The following ATP10B variants were observed in gnomAD, a reference collection of about 807,000 sequenced individuals.
ATP10B encodes the protein ATPase phospholipid transporting 10B (putative).
A neutral mutation model predicts 141.2 loss-of-function variants in ATP10B; 122 were observed. The observed-to-expected ratio is 0.86, with a 90% CI of 0.75 to 1.00. ATP10B has a LOEUF of 1.00. Among genes scored for constraint, ATP10B ranks in the 50% least tolerant of loss-of-function variants. The pLI is 0.00. For missense variants in ATP10B, 1,876 were observed against 1,825.3 expected, an observed-to-expected ratio of 1.03 and a Z score of -0.51; for synonymous variants, 685 against 692.0, an observed-to-expected ratio of 0.99 and a Z score of 0.16.
chr5:160,566,816 A>G (rs918937691), intron 25 of ATP10B, among the ~76,000 whole-genome samples: 12 of 152,150 alleles, frequency 7.9e-5, no homozygotes, highest in Admixed American at 7.9e-4. Flanking sequence ...AATCTATCTG[A>G]CCTGGAGGAC....
At chr5:160,652,913 G>GTATATATAATATATTATA (rs1198824825) in intron 7 of ATP10B, among the ~76,000 whole-genome samples, 1 of 56,944 alleles carries the variant, frequency 1.8e-5, no homozygotes, top group Non-Finnish European at 2.8e-5. Context: ...ATATATACAT[G>GTATATATAATATATTATA]TATATATAAT....
chr5:160,785,671 C>T lies in ATP10B; in HGVS notation c.-443G>A, dbSNP rs1369025261. ...TGTGTAAGAAATGGTAGTTTCTCAT[C>T]TTGGCAGTGGAGAGGAGTTCATTAT... On this transcript the variant is annotated 5_prime_UTR_variant, in exon 2 of 26. Coordinates refer to ENST00000327245, the MANE Select transcript of ATP10B (RefSeq NM_025153.3). 3.9e-6 allele frequency: 5 copies of T among 1,288,006 alleles called. No individual in the cohort carries two copies. The highest frequency in any genetic ancestry group is 5.1e-6 in the Non-Finnish European group (5 of 987,884). 79.8% of individuals were successfully genotyped at this position (1,288,006 alleles called of 1,614,324 possible). A position where few individuals can be genotyped will look rare whatever the true frequency, so the allele number is the denominator to read the frequency against.
chr5:160,695,026 C>G (rs982928444), intron 3 of ATP10B, among the ~76,000 whole-genome samples: 11 of 152,112 alleles, frequency 7.2e-5, no homozygotes, highest in Admixed American at 6.5e-4. Flanking sequence ...CTGAAGAAAG[C>G]AGAAACACAA....
At chr5:160,783,423 TCCATGG>T (rs1034750142) in intron 2 of ATP10B, among the ~76,000 whole-genome samples, 4 of 126,458 alleles carry the variant, frequency 3.2e-5, no homozygotes, top group African/African-American at 1.2e-4. Flanking sequence ...CATGGATATA[TCCATGG>T]ATAGATATAT....
intron 1 of ATP10B, among the ~76,000 whole-genome samples, chr5:160,793,769 C>T (rs1170325453): frequency 5.9e-5 from 9 of 152,200 alleles, no homozygotes; most frequent in Admixed American, 3.9e-4. Context: ...TTGTAAGCTC[C>T]ATTCATGGTA....
At chr5:160,683,502 C>A (rs1763558076) in intron 6 of ATP10B, among the ~76,000 whole-genome samples, 1 of 152,200 alleles carries the variant, frequency 6.6e-6, no homozygotes, top group Non-Finnish European at 1.5e-5. Flanking sequence ...TCTAAGCTGG[C>A]CACCTTTCAC....
the ATP10B span, among the ~76,000 whole-genome samples, chr5:160,866,617 T>C: frequency 6.6e-6 from 1 of 152,050 alleles, no homozygotes. Flanking sequence ...GAGGTTGCAG[T>C]AAGCTGAGAT....
In ATP10B at chr5:160,759,642, T is replaced by C. The variant is rs78005401; in HGVS notation, c.-331+25917A>G. 8.5e-3 allele frequency among the ~76,000 whole-genome samples: 1,296 copies of C among 152,302 alleles called. 18 individuals carry two copies. Among genetic ancestry groups the C allele is most frequent in the African/African-American group, 0.029 (1,223 of 41,550 alleles). The stretch of plus-strand genomic sequence containing the variant: ...TAGACACCTATGGCAATAGGCTGTA[T>C]AGGAACTGTCAATATGTCTATACCC... On this transcript the variant is annotated intron_variant, in intron 2 of 25. Coordinates refer to ENST00000327245, the MANE Select transcript of ATP10B (RefSeq NM_025153.3).
At chr5:160,803,807 T>C (rs1772571971) in intron 1 of ATP10B, among the ~76,000 whole-genome samples, 1 of 152,248 alleles carries the variant, frequency 6.6e-6, no homozygotes, top group African/African-American at 2.4e-5. Context: ...CTCTGGATAA[T>C]GTGAGGTGCT....
chr5:160,640,063 T>C (rs1759721092), intron 10 of ATP10B, among the ~76,000 whole-genome samples: 1 of 152,246 alleles, frequency 6.6e-6, no homozygotes, highest in Admixed American at 6.5e-5. Context: ...TTGAGACTCC[T>C]GCCTTAACCT....
At chr5:160,754,274 C>T (rs1436789421) in intron 2 of ATP10B, among the ~76,000 whole-genome samples, 1 of 152,186 alleles carries the variant, frequency 6.6e-6, no homozygotes, top group African/African-American at 2.4e-5. Flanking sequence ...ATTCTTAACT[C>T]TCAAACCCAT....
chr5:160,802,500 T>C (rs555289279), intron 1 of ATP10B, among the ~76,000 whole-genome samples: 14 of 152,336 alleles, frequency 9.2e-5, no homozygotes, highest in African/African-American at 3.4e-4. Flanking sequence ...ATGCCTGCGA[T>C]ATTGTTAAAC....
chr5:160,565,582 A>C lies in ATP10B; in HGVS notation c.4257T>G (p.Ala1419=). The change falls in exon 26 of 26, where the codon GCT becomes GCG. Residue 1419 remains alanine (A), a synonymous_variant. Transcript: ENST00000327245. ...RDDSCSGDSS[A]QLSSGEHLLG... ...GCAGGTGCTCCCCGGATGAGAGTTG[A>C]GCTGAGGAGTCCCCTGAGCATGAGT... The C allele has an allele frequency of 1.9e-6, 3 of 1,614,064 alleles. No homozygotes were observed. Among genetic ancestry groups the C allele is most frequent in the Non-Finnish European group, 2.5e-6 (3 of 1,179,966 alleles).
intron 2 of ATP10B, among the ~76,000 whole-genome samples, chr5:160,733,001 G>A (rs1490834318): frequency 6.6e-6 from 1 of 152,028 alleles, no homozygotes; most frequent in Admixed American, 6.6e-5. Context: ...GAGCATCATT[G>A]GTATTTTGAT....
intron 7 of ATP10B, among the ~76,000 whole-genome samples, chr5:160,661,756 C>T (rs1207249423): frequency 6.6e-6 from 1 of 152,192 alleles, no homozygotes; most frequent in Non-Finnish European, 1.5e-5. Flanking sequence ...GATGCCCTCT[C>T]TCACCACTCT....
At chr5:160,873,671 G>A in the ATP10B span, among the ~76,000 whole-genome samples, 1 of 152,186 alleles carries the variant, frequency 6.6e-6, no homozygotes, top group African/African-American at 2.4e-5. Flanking sequence ...AGGTCAGTGG[G>A]TGCACGCACT....
intron 2 of ATP10B, among the ~76,000 whole-genome samples, chr5:160,755,838 A>AATATATATATATATAT (rs1181077522): frequency 1.5e-4 from 7 of 45,416 alleles, no homozygotes; most frequent in Non-Finnish European, 2.4e-4. Context: ...AAAAAAAAAA[A>AATATATATATATATAT]ATATATATAT....
chr5:160,585,196 T>A (rs920656676), intron 24 of ATP10B, among the ~76,000 whole-genome samples: 3 of 152,210 alleles, frequency 2.0e-5, no homozygotes, highest in Non-Finnish European at 4.4e-5. Flanking sequence ...CTGGATAAGC[T>A]CCCAAAACTA....
intron 24 of ATP10B, among the ~76,000 whole-genome samples, chr5:160,578,739 G>T (rs1014926392): frequency 2.0e-5 from 3 of 152,060 alleles, no homozygotes; most frequent in Non-Finnish European, 2.9e-5. Context: ...TGGTATTTCT[G>T]GTTCTAGATC....
Sources: gnomAD v4.1 joint callset for allele counts (sites outside exome capture counted in the v4.1 genomes callset) on GRCh38, gnomAD v4.1.1 for gene constraint, MANE v1.5 for transcripts, NCBI Gene and HGNC (gene_info 2026-07-23, HGNC 2026-07-21) for gene names.